Variants in TG observed in about 807,000 individuals in gnomAD.
TG encodes the protein thyroid hormones.
TG carries 270 observed loss-of-function variants against 324.7 expected under a neutral mutation model. That is an observed-to-expected ratio of 0.83 (90% confidence interval 0.75 to 0.92). The LOEUF (loss-of-function observed/expected upper bound fraction) is 0.92, where lower values mean the gene tolerates loss of function less well. Ranked by LOEUF, TG falls within the 40% of genes least tolerant of loss-of-function variation. TG has a pLI of 0.00. For missense variants in TG, 3,591 were observed against 3,456.4 expected (o/e 1.04, Z -0.98); for synonymous variants, 1,401 against 1,327.0 (o/e 1.06, Z -1.21).
intron 25 of TG, 32 bp downstream of exon 25, chr8:132,935,896 G>A (rs140402106): frequency 5.5e-5 from 86 of 1,568,484 alleles, no homozygotes; most frequent in African/African-American, 1.1e-4. Flanking sequence ...GCTTAGGCCC[G>A]CGGTGGCTTC....
chr8:132,969,230 A>G (rs528472613), intron 31 of TG, among the ~76,000 whole-genome samples: 1 of 152,226 alleles, frequency 6.6e-6, no homozygotes, highest in Admixed American at 6.5e-5. Flanking sequence ...TATGCTTTCT[A>G]GCTTCCAACA....
chr8:132,962,858 G>T, intron 28 of TG, 136 bp from the exon 29 acceptor site: 1 of 787,272 alleles, frequency 1.3e-6, no homozygotes, highest in Non-Finnish European at 2.3e-6. Flanking sequence ...CCATGTCAGG[G>T]CATCTGTTGC....
chr8:132,905,254 G>A (rs1026722179), intron 16 of TG, among the ~76,000 whole-genome samples: 3 of 152,202 alleles, frequency 2.0e-5, no homozygotes, highest in Admixed American at 6.5e-5. Flanking sequence ...ATTAGGGCCA[G>A]GATTCATAGC....
chr8:132,872,260 C>T (rs1839553055), intron 4 of TG, among the ~76,000 whole-genome samples: 1 of 151,600 alleles, frequency 6.6e-6, no homozygotes, highest in Non-Finnish European at 1.5e-5. Context: ...GGGCGGATCA[C>T]GAGGTCAGGA....
Position 133,011,997 on chromosome 8 carries a change from C to T in TG, c.6359C>T (p.Thr2120Ile), listed in dbSNP as rs917790942. ...FDVAHVSTAATSNFSAVRDLC... is the reference protein window; with the variant it reads ...FDVAHVSTAAISNFSAVRDLC... ...GTTGCCCATGTCAGCACTGCTGCCA[C>T]CAGCAATTTCTCTGCTGTCCGAGAC... The change falls in exon 36 of 48, where the codon ACC becomes ATC. Residue 2120 changes from threonine (T) to isoleucine (I), a missense_variant. By Grantham distance (89) the Thr-to-Ile change is moderately conservative. Transcript: ENST00000220616. 6.2e-7 allele frequency: 1 copy of T among 1,614,120 alleles called. No homozygotes were observed. Among genetic ancestry groups the T allele is most frequent in the Non-Finnish European group, 8.5e-7 (1 of 1,180,052 alleles).
chr8:132,948,696 A>C lies in TG; in HGVS notation c.5234-80A>C, dbSNP rs1282570649. The C allele has an allele frequency of 2.0e-6, 3 of 1,482,104 alleles. No homozygotes were observed. In the South Asian group the frequency reaches 3.4e-5, roughly 17 times the overall value. 91.8% of individuals were successfully genotyped at this position (1,482,104 alleles called of 1,614,324 possible). A position where few individuals can be genotyped will look rare whatever the true frequency, so the allele number is the denominator to read the frequency against. On this transcript the variant is annotated intron_variant, in intron 26 of 47. Transcript: ENST00000220616. ...ACGCTGTCACCTATCTTTATTTGCA[A>C]ATGCTCTCAGGGGACAGAGAAGAGT...
At chr8:133,102,118 A>G (rs1849334168) in intron 43 of TG, among the ~76,000 whole-genome samples, 2 of 152,362 alleles carry the variant, frequency 1.3e-5, no homozygotes, top group South Asian at 4.1e-4. Flanking sequence ...TTTAATTTTA[A>G]TATTAAGATT....
chr8:133,104,147 A>C (rs1849585234), intron 43 of TG, among the ~76,000 whole-genome samples: 1 of 152,164 alleles, frequency 6.6e-6, no homozygotes, highest in African/African-American at 2.4e-5. Flanking sequence ...TGGGGGTCAC[A>C]GGGAGGTCAG....
rs1021193452 is a variant in TG at position 132,967,896 on chromosome 8, A to G, written c.5789A>G (p.Asp1930Gly). 6.2e-7 allele frequency: 1 copy of G among 1,614,034 alleles called. No individual in the cohort carries two copies. The highest frequency in any genetic ancestry group is 8.5e-7 in the Non-Finnish European group (1 of 1,179,960). The change falls in exon 31 of 48, where the codon GAC (aspartate) becomes GGC (glycine). Residue 1930 changes from aspartate to glycine, a missense_variant. Physicochemically the swap from Asp to Gly is moderately conservative, Grantham distance 94. Transcript: ENST00000220616. ...TACCCAGAGGCACAGGTGTGTGATG[A>G]CATCATGGAGTCCAATGCCCAGGGC... is the stretch of plus-strand genomic sequence containing the variant. ...TLYPEAQVCD[D>G]IMESNAQGCR... is the part of the protein sequence containing the mutation.
At chr8:132,900,371 C>T in intron 15 of TG, 32 bp downstream of exon 15, 1 of 1,582,508 alleles carries the variant, frequency 6.3e-7, no homozygotes, top group Non-Finnish European at 8.6e-7. Context: ...CATGGCTTCT[C>T]ACCTCTTCTG....
intron 34 of TG, among the ~76,000 whole-genome samples, chr8:132,972,955 A>G (rs555292241): frequency 1.3e-5 from 2 of 152,346 alleles, no homozygotes; most frequent in African/African-American, 4.8e-5. Context: ...AGGTCTCAGT[A>G]AAGACGGAAA....
chr8:132,948,179 T>TA (rs1554677150), intron 26 of TG, among the ~76,000 whole-genome samples: 2 of 151,132 alleles, frequency 1.3e-5, no homozygotes, highest in Admixed American at 6.6e-5. Flanking sequence ...TCTTACTCCG[T>TA]CCCCCCCCAA....
In TG at chr8:133,134,824, C is replaced by T; in HGVS notation, c.*30C>T. 6.4e-7 allele frequency: 1 copy of T among 1,565,332 alleles called. No homozygotes were observed. Among genetic ancestry groups the T allele is most frequent in the South Asian group, 1.1e-5 (1 of 90,072 alleles). On this transcript the variant is annotated 3_prime_UTR_variant, in exon 48 of 48. Coordinates refer to ENST00000220616, the MANE Select transcript of TG (RefSeq NM_003235.5). ...CCCTTGAGCTCCCCAAAAACCTCAC[C>T]CGAGGCTGCCCACTATGGTCATCTT...
chr8:132,956,164 T>C (rs920873780), intron 27 of TG, among the ~76,000 whole-genome samples: 4 of 152,244 alleles, frequency 2.6e-5, no homozygotes, highest in African/African-American at 9.6e-5. Flanking sequence ...GGGTCAGAAG[T>C]CTGTTTAGAA....
At chr8:132,978,787 G>A (rs555632123) in intron 34 of TG, among the ~76,000 whole-genome samples, 30 of 152,282 alleles carry the variant, frequency 2.0e-4, no homozygotes, top group African/African-American at 7.0e-4. Flanking sequence ...AGCCTCAGAG[G>A]CAGAGACCTG....
intron 35 of TG, among the ~76,000 whole-genome samples, chr8:132,986,227 C>T (rs1190814018): frequency 6.6e-6 from 1 of 151,784 alleles, no homozygotes; most frequent in Non-Finnish European, 1.5e-5. Context: ...TTTTTAGGCT[C>T]TCTGTATGGT....
intron 41 of TG, chr8:133,045,198 G>A (rs1839094056): frequency 6.7e-7 from 1 of 1,495,140 alleles, no homozygotes; most frequent in South Asian, 1.2e-5. Context: ...CACCACTGAG[G>A]CAGGGAGACC....
intron 19 of TG, among the ~76,000 whole-genome samples, chr8:132,912,103 C>T (rs1301388857): frequency 6.6e-6 from 1 of 152,192 alleles, no homozygotes; most frequent in African/African-American, 2.4e-5. Context: ...GGCCAAACAT[C>T]CAGGGGCAGG....
intron 8 of TG, among the ~76,000 whole-genome samples, chr8:132,884,518 T>C (rs1258759487): frequency 6.6e-6 from 1 of 152,236 alleles, no homozygotes; most frequent in Non-Finnish European, 1.5e-5. Context: ...AATCATTCCA[T>C]TTGTCCCACT....
Sources: gnomAD v4.1 joint callset for allele counts (sites outside exome capture counted in the v4.1 genomes callset) on GRCh38, gnomAD v4.1.1 for gene constraint, MANE v1.5 for transcripts, NCBI Gene and HGNC (gene_info 2026-07-23, HGNC 2026-07-21) for gene names.